DLG5: variants seen among roughly 807,000 people sequenced by gnomAD.
The protein encoded by DLG5 is disks large homolog 5.
DLG5 carries 48 observed loss-of-function variants against 189.8 expected under a neutral mutation model. The ratio of observed to expected loss-of-function variants is 0.25; its 90% confidence interval spans 0.20 to 0.32. The LOEUF (loss-of-function observed/expected upper bound fraction) is 0.32. DLG5 is among the 10% of genes least tolerant of loss of function. The pLI, the probability that DLG5 is intolerant of heterozygous loss-of-function variation, is 1.00. For synonymous variants in DLG5, 1,016 were observed against 1,054.1 expected, an observed-to-expected ratio of 0.96 and a Z score of 0.70; for missense variants, 2,160 against 2,544.7, an observed-to-expected ratio of 0.85 and a Z score of 3.25.
At chr10:77,853,277 C>T in intron 5 of DLG5, 77 bp downstream of exon 5, 1 of 1,296,192 alleles carries the variant, frequency 7.7e-7, no homozygotes, top group Non-Finnish European at 1.0e-6. Context: ...CCAGCATTTA[C>T]TTCTCAATAC....
At chr10:77,907,115 T>A (rs1302477618) in intron 1 of DLG5, among the ~76,000 whole-genome samples, 1 of 152,150 alleles carries the variant, frequency 6.6e-6, no homozygotes, top group African/African-American at 2.4e-5. Flanking sequence ...GCTTACTTCA[T>A]CACAGACCAG....
intron 27 of DLG5, among the ~76,000 whole-genome samples, chr10:77,798,748 G>A (rs1427439052): frequency 6.6e-6 from 1 of 152,118 alleles, no homozygotes; most frequent in African/African-American, 2.4e-5. Context: ...CCTGCTGATG[G>A]ACACTACGTC....
At chr10:77,813,943 G>C (rs550199294) in intron 20 of DLG5, among the ~76,000 whole-genome samples, 1 of 152,274 alleles carries the variant, frequency 6.6e-6, no homozygotes, top group South Asian at 2.1e-4. Context: ...GTTAACAATG[G>C]TGTCTCCAGT....
Position 77,813,590 on chromosome 10 carries a change from G to A in DLG5, c.4026-1213C>T, listed in dbSNP as rs541209772. On this transcript the variant is annotated intron_variant, in intron 20 of 31. Transcript: ENST00000372391. ...TCAACACGGATTACAGCCCCGTGCT[G>A]TTGAGAGCTGCAGAGCCCTCAGCAC... is the stretch of plus-strand genomic sequence containing the variant. 4.6e-5 allele frequency among the ~76,000 whole-genome samples: 7 copies of A among 152,238 alleles called. No homozygotes were observed. The South Asian group carries it at 6.2e-4, about 14-fold the overall frequency.
intron 1 of DLG5, among the ~76,000 whole-genome samples, chr10:77,902,728 C>CA (rs1378916439): frequency 1.3e-5 from 2 of 152,090 alleles, no homozygotes; most frequent in Non-Finnish European, 2.9e-5. Context: ...GGCGTGGTGG[C>CA]ATGCGCTTGT....
At chr10:77,910,987 GAAAAAAAAAA>G (rs55832630) in intron 1 of DLG5, among the ~76,000 whole-genome samples, 142 of 84,272 alleles carry the variant, frequency 1.7e-3, no homozygotes, top group African/African-American at 5.6e-3. Flanking sequence ...CTGTCTGAAG[GAAAAAAAAAA>G]AAAAAAAAAA....
chr10:77,854,141 C>A, intron 4 of DLG5, 86 bp downstream of exon 4: 4 of 1,519,290 alleles, frequency 2.6e-6, no homozygotes. Flanking sequence ...AGAACCAGAA[C>A]CCCTGGCTAC....
chr10:77,822,865 C>G (rs10430529), intron 14 of DLG5, among the ~76,000 whole-genome samples: 1 of 151,948 alleles, frequency 6.6e-6, no homozygotes, highest in African/African-American at 2.4e-5. Flanking sequence ...CTATGGCATT[C>G]TGGAAAACAC....
intron 7 of DLG5, among the ~76,000 whole-genome samples, chr10:77,841,160 T>C (rs1400087169): frequency 6.6e-6 from 1 of 152,166 alleles, no homozygotes; most frequent in African/African-American, 2.4e-5. Context: ...GGAATCTCCA[T>C]GGGCCCATCC....
Position 77,846,424 on chromosome 10 carries a change from C to T in DLG5, c.865-2718G>A, listed in dbSNP as rs1843695630. On this transcript the variant is annotated intron_variant, in intron 5 of 31. Transcript: ENST00000372391. ...CAATTAAAAATTACTTCAGGCCGGGCGCAGTGGCTCACGCCTGTAATCCCA... is the reference window on the plus strand; with the variant it reads ...CAATTAAAAATTACTTCAGGCCGGGTGCAGTGGCTCACGCCTGTAATCCCA... 2.0e-5 allele frequency among the ~76,000 whole-genome samples: 3 copies of T among 152,242 alleles called. 1 individual carries two copies. The highest frequency in any genetic ancestry group is 3.4e-3 in the Middle Eastern group (1 of 294).
chr10:77,821,399 C>T lies in DLG5; in HGVS notation c.3085G>A (p.Glu1029Lys), dbSNP rs575593436. Residue 1029 changes from glutamate to lysine, a missense_variant, in exon 15 of 32, where the codon GAG (glutamate) becomes AAG (lysine). By Grantham distance (56) the Glu-to-Lys change is moderately conservative. Transcript: ENST00000372391. ...SDSIKFQHRL[E>K]TSSESEATLV... ...GTGGCTTCTGACTCGGAGCTAGTCT[C>T]CAGCCTGTGCTGGAACTTAATGGAG... The T allele has an allele frequency of 6.2e-7, 1 of 1,612,678 alleles. No homozygotes were observed. Among genetic ancestry groups the T allele is most frequent in the South Asian group, 1.1e-5 (1 of 91,086 alleles).
At chr10:77,825,199 G>A (rs1202715995) in intron 13 of DLG5, among the ~76,000 whole-genome samples, 3 of 152,136 alleles carry the variant, frequency 2.0e-5, no homozygotes, top group African/African-American at 7.2e-5. Context: ...ATTCTCAAAA[G>A]GACAACATCA....
At chr10:77,907,917 A>C (rs1846111108) in intron 1 of DLG5, among the ~76,000 whole-genome samples, 1 of 152,186 alleles carries the variant, frequency 6.6e-6, no homozygotes, top group Non-Finnish European at 1.5e-5. Context: ...AGATCAAATG[A>C]GAAAATAAAT....
Position 77,821,473 on chromosome 10 carries a change from G to A in DLG5, c.3011C>T (p.Ser1004Phe). ...GGGTGTCAGAGGCCCCGCCCTCTTG[G>A]AGGGCTGGGGAGAGTGAGCAGGCCC... The part of the protein sequence containing the change: ...GPGPAHSPQP[S>F]KRAGPLTPPK... Residue 1004 changes from serine to phenylalanine, a missense_variant, in exon 15 of 32, where the codon TCC becomes TTC. Physicochemically the swap from Ser to Phe is radical, Grantham distance 155. Around this residue, in one of 5 missense-constraint regions of DLG5, gnomAD observed 754 missense variants for 746.5 expected, o/e 1.01. Coordinates refer to ENST00000372391, the MANE Select transcript of DLG5 (RefSeq NM_004747.4). 3 of 1,612,892 alleles carry A rather than the reference G, an allele frequency of 1.9e-6. No individual in the cohort carries two copies. Among genetic ancestry groups the A allele is most frequent in the Non-Finnish European group, 2.5e-6 (3 of 1,179,974 alleles).
chr10:77,814,093 T>G (rs1184481081), intron 20 of DLG5, among the ~76,000 whole-genome samples: 1 of 152,062 alleles, frequency 6.6e-6, no homozygotes, highest in Non-Finnish European at 1.5e-5. Context: ...TTCTCCTGCC[T>G]CAGCCTCTCA....
At chr10:77,938,052 G>C in the DLG5 span, among the ~76,000 whole-genome samples, 1 of 151,936 alleles carries the variant, frequency 6.6e-6, no homozygotes, top group Non-Finnish European at 1.5e-5. Context: ...CTCTGTGTTT[G>C]CTGACTGCTT....
chr10:77,818,211 G>T (rs188234923), intron 17 of DLG5, among the ~76,000 whole-genome samples: 1,572 of 152,244 alleles, frequency 0.01, 9 homozygotes, highest in Non-Finnish European at 0.016. Context: ...CCTGGGGAGG[G>T]GGAACCTGTC....
intron 1 of DLG5, among the ~76,000 whole-genome samples, chr10:77,924,587 A>G (rs1650149): frequency 0.26 from 39,675 of 152,128 alleles, 5,715 homozygotes; most frequent in Admixed American, 0.39. Flanking sequence ...ACATAGATAC[A>G]ATTAAAAAGA....
intron 5 of DLG5, among the ~76,000 whole-genome samples, chr10:77,848,702 G>A (rs1843811280): frequency 6.6e-6 from 1 of 151,282 alleles, no homozygotes; most frequent in Admixed American, 6.6e-5. Context: ...ATGATATATT[G>A]TAGGATTTTT....
Sources: allele counts gnomAD v4.1 joint callset (sites outside exome capture counted in the v4.1 genomes callset), GRCh38; gene constraint gnomAD v4.1.1; regional missense constraint gnomAD v4.1.1; transcripts MANE v1.5; gene names NCBI Gene and HGNC (gene_info 2026-07-23, HGNC 2026-07-21).